SMG1: variants seen among roughly 807,000 people sequenced by gnomAD.
SMG1 encodes SMG1 nonsense mediated mRNA decay associated PI3K related kinase.
Under a neutral mutation model 419.9 loss-of-function variants are expected in SMG1, and 22 were observed. The ratio of observed to expected loss-of-function variants is 0.05; its 90% confidence interval spans 0.04 to 0.07. The LOEUF (loss-of-function observed/expected upper bound fraction) is 0.07, where lower values mean the gene tolerates loss of function less well. SMG1 is among the 10% of genes least tolerant of loss of function. The probability of loss-of-function intolerance (pLI) is 1.00; values close to 1 mark genes in which losing one functional copy is unlikely to be tolerated. For missense variants in SMG1, 3,185 were observed against 4,342.0 expected (o/e 0.73, Z 7.49); for synonymous variants, 1,538 against 1,553.5 (o/e 0.99, Z 0.23).
At chr16:18,855,704 C>T (rs2034860755) in intron 29 of SMG1, among the ~76,000 whole-genome samples, 1 of 152,154 alleles carries the variant, frequency 6.6e-6, no homozygotes, top group Non-Finnish European at 1.5e-5. Context: ...TTTTTTCTTT[C>T]CCTACTGCCA....
Position 18,828,146 on chromosome 16 carries a change from A to G in SMG1, c.9626T>C (p.Ile3209Thr). ...GACTGACATGGCTTGTGGTCTATTG[A>G]TAAGTAGATCTTCATGTTGCCACTG... ...MFQWQHEDLL[I>T]NRPQAMSVTP... Residue 3209 changes from isoleucine to threonine, a missense_variant, in exon 55 of 63, where the codon ATC becomes ACC. By Grantham distance (89) the Ile-to-Thr change is moderately conservative. This residue lies in a region of SMG1 where 737 missense variants were observed against 846.6 expected (regional missense o/e 0.87). Coordinates refer to ENST00000446231, the MANE Select transcript of SMG1 (RefSeq NM_015092.5). 1.2e-6 allele frequency: 2 copies of G among 1,613,348 alleles called. No individual in the cohort carries two copies. Among genetic ancestry groups the G allele is most frequent in the South Asian group, 1.1e-5 (1 of 90,996 alleles).
Position 18,916,098 on chromosome 16 carries a change from A to AG in SMG1, c.92+9851_92+9852insC, listed in dbSNP as rs967782196. The stretch of plus-strand genomic sequence containing the variant: ...AAAAAAAAAAAAAAAAACCAGAAAA[A>AG]AAAAAAAAACCACCACCACTTATAC... On this transcript the variant is annotated intron_variant, in intron 1 of 62. Coordinates refer to ENST00000446231, the MANE Select transcript of SMG1 (RefSeq NM_015092.5). Among the ~76,000 whole-genome samples the AG allele has an allele frequency of 3.3e-4, 50 of 149,886 alleles. No individual in the cohort carries two copies. In the East Asian group the frequency reaches 7.3e-3, roughly 22 times the overall value.
rs570828166 is a variant in SMG1 at position 18,832,046 on chromosome 16, T to G, written c.8792+894A>C. On this transcript the variant is annotated intron_variant, in intron 51 of 62. Transcript: ENST00000446231. ...GCTTCTAAATAACTAGGGTAGTAAA[T>G]TTAAACCAGACTAGCCCAGTGCAGA... Among the ~76,000 whole-genome samples the G allele has an allele frequency of 5.3e-5, 8 of 152,252 alleles. No homozygotes were observed. The East Asian group carries it at 1.5e-3, about 29-fold the overall frequency.
chr16:18,901,324 G>A (rs1254994770), intron 1 of SMG1, among the ~76,000 whole-genome samples: 1 of 152,154 alleles, frequency 6.6e-6, no homozygotes, highest in African/African-American at 2.4e-5. Flanking sequence ...CATGGGTTCA[G>A]CCTCTCAAAC....
At chr16:18,876,663 C>CAT (rs1555500377) in intron 12 of SMG1, among the ~76,000 whole-genome samples, 1,169 of 28,676 alleles carry the variant, frequency 0.041, 14 homozygotes, top group African/African-American at 0.099. Context: ...CCGAAATGGC[C>CAT]GTTTTTTTTT....
In SMG1 at chr16:18,806,449, A is replaced by ACTCACCACTCATCTTTT. The variant is rs1487910945; in HGVS notation, c.*3119_*3120insAAAAGATGAGTGGTGAG. The ACTCACCACTCATCTTTT allele has an allele frequency of 2.0e-5, 3 of 152,574 alleles. No individual in the cohort carries two copies. Among genetic ancestry groups the ACTCACCACTCATCTTTT allele is most frequent in the African/African-American group, 7.2e-5 (3 of 41,460 alleles). The allele number at this position is 152,574 out of a possible 1,614,324, so 9.5% of individuals were successfully genotyped here. On this transcript the variant is annotated 3_prime_UTR_variant, in exon 63 of 63. Coordinates refer to ENST00000446231, the MANE Select transcript of SMG1 (RefSeq NM_015092.5). ...CAGATTTCAAAAGCAACTCACCACA[A>ACTCACCACTCATCTTTT]GTGTCAGACACAAAAGAATCTTAAT...
chr16:18,810,104 T>G (rs2031239935), intron 62 of SMG1, among the ~76,000 whole-genome samples: 1 of 152,062 alleles, frequency 6.6e-6, no homozygotes, highest in Non-Finnish European at 1.5e-5. Context: ...TGCCAAACCA[T>G]GGAAGAACAG....
At chr16:18,884,310 T>G in intron 8 of SMG1, 143 bp from the exon 9 acceptor site, 1 of 473,784 alleles carries the variant, frequency 2.1e-6, no homozygotes, top group East Asian at 3.3e-5. Context: ...TATCATAAAA[T>G]TAAGACTGTT....
intron 1 of SMG1, among the ~76,000 whole-genome samples, chr16:18,918,445 TG>T (rs35769045): frequency 2.0e-5 from 3 of 152,314 alleles, no homozygotes; most frequent in South Asian, 2.1e-4. Flanking sequence ...TCTTCTATTT[TG>T]GGGGGGATTC....
At chr16:18,855,386 C>T (rs1486543268) in intron 29 of SMG1, among the ~76,000 whole-genome samples, 1 of 152,194 alleles carries the variant, frequency 6.6e-6, no homozygotes, top group Non-Finnish European at 1.5e-5. Flanking sequence ...TGCATACTCT[C>T]CCTGGACATC....
At chr16:18,910,331 A>G (rs1365789458) in intron 1 of SMG1, among the ~76,000 whole-genome samples, 7 of 151,250 alleles carry the variant, frequency 4.6e-5, no homozygotes, top group Non-Finnish European at 8.8e-5. Context: ...CCTGGGTTCA[A>G]GCAATTCTCC....
At chr16:18,836,308 G>T in intron 47 of SMG1, 52 bp downstream of exon 47, 1 of 1,594,886 alleles carries the variant, frequency 6.3e-7, no homozygotes, top group South Asian at 1.1e-5. Flanking sequence ...AAACACACAT[G>T]ACTATAAAAC....
chr16:18,842,679 G>A (rs957091558), intron 39 of SMG1, among the ~76,000 whole-genome samples: 1 of 152,118 alleles, frequency 6.6e-6, no homozygotes, highest in African/African-American at 2.4e-5. Context: ...ACAAAAGTTA[G>A]TCAGGCACAG....
intron 45 of SMG1, among the ~76,000 whole-genome samples, chr16:18,837,686 C>T (rs11644862): frequency 0.014 from 2,138 of 152,244 alleles, 25 homozygotes; most frequent in Admixed American, 0.031. Flanking sequence ...AGACTGGCAT[C>T]CCTGGCTACC....
intron 1 of SMG1, among the ~76,000 whole-genome samples, chr16:18,921,299 T>C (rs781165551): frequency 8.6e-5 from 13 of 151,940 alleles, no homozygotes; most frequent in Non-Finnish European, 1.8e-4. Context: ...TGAGCAGTGA[T>C]TGCACCACTG....
intron 3 of SMG1, among the ~76,000 whole-genome samples, chr16:18,895,305 C>T (rs2037073938): frequency 6.6e-6 from 1 of 151,808 alleles, no homozygotes. Context: ...ATGGTGAAAC[C>T]CTGTCTCCAC....
At chr16:18,817,610 T>C (rs999890267) in intron 56 of SMG1, 140 bp from the exon 57 acceptor site, 3 of 678,888 alleles carry the variant, frequency 4.4e-6, no homozygotes, top group Admixed American at 3.0e-5. Flanking sequence ...GTTTGGGAAA[T>C]AGACCAAAAC....
At chr16:18,849,472 G>A (rs2034471474) in intron 35 of SMG1, 94 bp from the exon 36 acceptor site, 2 of 1,199,348 alleles carry the variant, frequency 1.7e-6, no homozygotes, top group Non-Finnish European at 2.4e-6. Context: ...AACGTGATGT[G>A]TGTCGGCATT....
At chr16:18,862,041 G>A (rs2035245839) in intron 25 of SMG1, among the ~76,000 whole-genome samples, 1 of 152,048 alleles carries the variant, frequency 6.6e-6, no homozygotes, top group African/African-American at 2.4e-5. Flanking sequence ...TTTCCCTCCA[G>A]CAACAGCTTC....
Sources: gnomAD v4.1 joint callset for allele counts (sites outside exome capture counted in the v4.1 genomes callset) on GRCh38, gnomAD v4.1.1 for gene constraint, gnomAD v4.1.1 regional missense constraint, MANE v1.5 for transcripts, NCBI Gene and HGNC (gene_info 2026-07-23, HGNC 2026-07-21) for gene names.